Variants in DNAH11 observed in about 807,000 individuals in gnomAD.
DNAH11 encodes dynein axonemal heavy chain 11, also known as axonemal beta dynein heavy chain 11.
DNAH11 carries 442 observed loss-of-function variants against 526.0 expected under a neutral mutation model. The observed-to-expected ratio is 0.84, with a 90% confidence interval of 0.78 to 0.91. The LOEUF is 0.91. Ranked by LOEUF, DNAH11 falls within the 40% of genes least tolerant of loss-of-function variation. The pLI is 0.00. For missense variants in DNAH11, 6,989 were observed against 5,448.7 expected (o/e 1.28, Z -8.90); for synonymous variants, 2,461 against 1,935.9 (o/e 1.27, Z -7.12).
chr7:21,660,324 CTT>C (rs1158845018), intron 30 of DNAH11, among the ~76,000 whole-genome samples: 1 of 152,002 alleles, frequency 6.6e-6, no homozygotes, highest in African/African-American at 2.4e-5. Flanking sequence ...ATAATATCCT[CTT>C]TTAAATTTCA....
intron 54 of DNAH11, among the ~76,000 whole-genome samples, chr7:21,755,148 G>A (rs574791854): frequency 4.7e-4 from 72 of 152,272 alleles, no homozygotes; most frequent in African/African-American, 1.7e-3. Flanking sequence ...GGAATGCAGA[G>A]ACAATGAGAA....
At chr7:21,728,064 A>G (rs1188029636) in intron 45 of DNAH11, among the ~76,000 whole-genome samples, 2 of 151,886 alleles carry the variant, frequency 1.3e-5, no homozygotes, top group Non-Finnish European at 2.9e-5. Flanking sequence ...TATCTCTTTT[A>G]TAAGTCCTAT....
intron 63 of DNAH11, among the ~76,000 whole-genome samples, chr7:21,815,139 A>G (rs1789723811): frequency 6.6e-6 from 1 of 152,086 alleles, no homozygotes; most frequent in South Asian, 2.1e-4. Flanking sequence ...TAGGTACTCA[A>G]ACTATGGATT....
At chr7:21,826,872 AGTT>A (rs368614944) in intron 65 of DNAH11, among the ~76,000 whole-genome samples, 10 of 151,692 alleles carry the variant, frequency 6.6e-5, no homozygotes, top group South Asian at 4.2e-4. Flanking sequence ...TGTTTGGGGG[AGTT>A]GTTGTTGTTG....
intron 71 of DNAH11, among the ~76,000 whole-genome samples, 198 bp downstream of exon 71, chr7:21,866,861 T>C (rs2128034243): frequency 6.6e-6 from 1 of 152,292 alleles, no homozygotes; most frequent in East Asian, 1.9e-4. Flanking sequence ...ACTCAGCACA[T>C]TCTTCCCAAA....
chr7:21,608,939 T>A (rs565234949), intron 20 of DNAH11, among the ~76,000 whole-genome samples: 7 of 152,328 alleles, frequency 4.6e-5, no homozygotes, highest in African/African-American at 1.7e-4. Flanking sequence ...CAGACATGTC[T>A]AATGTAAATC....
chr7:21,595,971 G>A (rs544486364), intron 14 of DNAH11, among the ~76,000 whole-genome samples: 22 of 152,256 alleles, frequency 1.4e-4, no homozygotes, highest in Middle Eastern at 3.4e-3. Context: ...GAAAGGGTTC[G>A]GAGGGTAACA....
intron 68 of DNAH11, among the ~76,000 whole-genome samples, chr7:21,856,089 G>T (rs2128026669): frequency 6.6e-6 from 1 of 152,270 alleles, no homozygotes; most frequent in Admixed American, 6.5e-5. Flanking sequence ...TGTGGCTGCA[G>T]GGTAATGAGC....
intron 45 of DNAH11, among the ~76,000 whole-genome samples, chr7:21,726,976 C>T (rs1277001504): frequency 1.0e-5 from 1 of 97,166 alleles, no homozygotes; most frequent in Non-Finnish European, 1.9e-5. Context: ...CTCTGTCGCC[C>T]AGGCTGGAGT....
intron 5 of DNAH11, 124 bp from the exon 6 acceptor site, chr7:21,564,058 AAAGG>A: frequency 1.6e-6 from 1 of 630,924 alleles, no homozygotes; most frequent in Non-Finnish European, 2.6e-6. Flanking sequence ...AAGTAATATA[AAAGG>A]AACTATGACA....
rs1378582327 is a variant in DNAH11 at position 21,815,669 on chromosome 7, G to T, written c.10333-798G>T. On this transcript the variant is annotated intron_variant, in intron 63 of 81. Transcript: ENST00000409508. ...CTAGGTTTTCATCCTGCACATTTTG[G>T]TGTCTCTAGACAGTGTTTCATGTAC... Among the ~76,000 whole-genome samples the T allele has an allele frequency of 1.3e-5, 2 of 152,098 alleles. 1 individual carries two copies. The highest frequency in any genetic ancestry group is 1.3e-4 in the Admixed American group (2 of 15,268).
intron 25 of DNAH11, among the ~76,000 whole-genome samples, chr7:21,627,492 A>G (rs917356584): frequency 7.9e-5 from 12 of 152,180 alleles, no homozygotes; most frequent in Non-Finnish European, 1.3e-4. Context: ...ATTCTTCTGC[A>G]TATGGTTATC....
intron 66 of DNAH11, among the ~76,000 whole-genome samples, chr7:21,848,097 G>A (rs1283467117): frequency 2.0e-5 from 3 of 151,038 alleles, no homozygotes; most frequent in Admixed American, 6.6e-5. Context: ...AACCCAGGAG[G>A]TAGAGCTTGC....
Position 21,787,556 on chromosome 7 carries a change from G to C in DNAH11, c.9897G>C (p.Trp3299Cys). The C allele has an allele frequency of 6.2e-7, 1 of 1,611,068 alleles. No homozygotes were observed. The highest frequency in any genetic ancestry group is 8.5e-7 in the Non-Finnish European group (1 of 1,178,826). The change falls in exon 60 of 82, where the codon TGG becomes TGC. Residue 3299 changes from tryptophan (W) to cysteine (C), a missense_variant. Transcript: ENST00000409508. ...TTGCAGCAGCTGGCCTGTGTGCCTGGGTCATCAACATCATTAAATTCTATG... is the reference window on the plus strand; with the variant it reads ...TTGCAGCAGCTGGCCTGTGTGCCTGCGTCATCAACATCATTAAATTCTATG... ...KSFAAAGLCAWVINIIKFYEV... is the reference protein window; with the variant it reads ...KSFAAAGLCACVINIIKFYEV...
At chr7:21,880,523 A>T (rs184912495) in intron 74 of DNAH11, among the ~76,000 whole-genome samples, 179 bp from the exon 75 acceptor site, 2 of 152,258 alleles carry the variant, frequency 1.3e-5, no homozygotes, top group Non-Finnish European at 2.9e-5. Context: ...TTAAGCCAAC[A>T]GACTGGCAAA....
chr7:21,634,468 G>A (rs998516555), intron 25 of DNAH11, among the ~76,000 whole-genome samples: 1 of 152,196 alleles, frequency 6.6e-6, no homozygotes, highest in African/African-American at 2.4e-5. Flanking sequence ...GAAGAGTCAA[G>A]TATGTTAAAT....
intron 28 of DNAH11, among the ~76,000 whole-genome samples, chr7:21,641,686 T>G (rs546203612): frequency 6.6e-6 from 1 of 152,236 alleles, no homozygotes. Context: ...ATTTCAGTGA[T>G]GTGCTTTTTA....
chr7:21,702,659 A>C, intron 36 of DNAH11, 51 bp from the exon 37 acceptor site: 1 of 1,507,946 alleles, frequency 6.6e-7, no homozygotes, highest in Non-Finnish European at 9.2e-7. Flanking sequence ...TGGAATGAGA[A>C]TCTTCTTCCC....
At chr7:21,740,913 C>T (rs1785852665) in intron 48 of DNAH11, among the ~76,000 whole-genome samples, 1 of 152,132 alleles carries the variant, frequency 6.6e-6, no homozygotes, top group Non-Finnish European at 1.5e-5. Context: ...TGTTTTTTGA[C>T]AGTAATCATG....
Sources: gnomAD v4.1 joint callset for allele counts (sites outside exome capture counted in the v4.1 genomes callset) on GRCh38, gnomAD v4.1.1 for gene constraint, MANE v1.5 for transcripts, NCBI Gene and HGNC (gene_info 2026-07-23, HGNC 2026-07-21) for gene names.